The following RRP8 variants were observed in gnomAD, a reference collection of about 807,000 sequenced individuals.
The protein encoded by RRP8 is ribosomal RNA processing 8.
RRP8 carries 48 observed loss-of-function variants against 45.0 expected under a neutral mutation model. The observed-to-expected ratio is 1.07, with a 90% confidence interval of 0.85 to 1.36. The LOEUF (loss-of-function observed/expected upper bound fraction) is 1.36. RRP8 is among the 40% of genes most tolerant of loss of function. RRP8 has a pLI of 0.00. For missense variants in RRP8, 658 were observed against 573.7 expected, an observed-to-expected ratio of 1.15 and a Z score of -1.50; for synonymous variants, 274 against 212.4, an observed-to-expected ratio of 1.29 and a Z score of -2.52.
chr11:6,598,979 T>G lies in RRP8; in HGVS notation c.*1167A>C, dbSNP rs150177498. On this transcript the variant is annotated 3_prime_UTR_variant, in exon 7 of 7. Coordinates refer to ENST00000254605, the MANE Select transcript of RRP8 (RefSeq NM_015324.4). Reference sequence around the variant, plus strand: ...ATCTGAGTCCACTGCAAGGCAGAGATAGTGGACAGACTCTTCCGCCAATGA... The same window carrying G: ...ATCTGAGTCCACTGCAAGGCAGAGAGAGTGGACAGACTCTTCCGCCAATGA... The G allele has an allele frequency of 1.6e-4, 24 of 152,392 alleles. No individual in the cohort carries two copies. Among genetic ancestry groups the G allele is most frequent in the African/African-American group, 5.5e-4 (23 of 41,554 alleles). 9.4% of individuals were successfully genotyped at this position (152,392 alleles called of 1,614,324 possible). A position where few individuals can be genotyped will look rare whatever the true frequency, so the allele number is the denominator to read the frequency against.
rs548651237 is a variant in RRP8, at chr11:6,597,169, G to A, written c.*2977C>T. On this transcript the variant is annotated 3_prime_UTR_variant, in exon 7 of 7. Transcript: ENST00000254605. ...CAGCTAAGTCTAGGAGCCTGCACTG[G>A]GAAAGGGAGGAGTGATTGGTATGCT... The A allele has an allele frequency of 1.3e-5, 2 of 152,276 alleles. No individual in the cohort carries two copies. The highest frequency in any genetic ancestry group is 2.9e-5 in the Non-Finnish European group (2 of 68,034). The allele number at this position is 152,276 out of a possible 1,614,324, so 9.4% of individuals were successfully genotyped here.
Position 6,601,537 on chromosome 11 carries a change from G to C in RRP8, c.529C>G (p.Pro177Ala). ...CGGCTTAATGTATGAGGGGGTTTAG[G>C]GGAAGTGGACCCAGGGCTTTGCTTT... ...PPKQSPGSTS[P>A]KPPHTLSRKQ... The change falls in exon 3 of 7, where the codon CCT becomes GCT. Residue 177 changes from proline to alanine, a missense_variant. Coordinates refer to ENST00000254605, the MANE Select transcript of RRP8 (RefSeq NM_015324.4). 6.2e-7 allele frequency: 1 copy of C among 1,609,094 alleles called. No individual in the cohort carries two copies. The highest frequency in any genetic ancestry group is 8.5e-7 in the Non-Finnish European group (1 of 1,179,994).
rs1334243102 is a variant in RRP8 at position 6,602,052 on chromosome 11, A to G, written c.263T>C (p.Val88Ala). 1.1e-5 allele frequency: 18 copies of G among 1,613,408 alleles called. No individual in the cohort carries two copies. Among genetic ancestry groups the G allele is most frequent in the African/African-American group, 2.7e-5 (2 of 74,720 alleles). The change falls in exon 2 of 7, where the codon GTA becomes GCA. Residue 88 changes from valine (V) to alanine (A), a missense_variant. Physicochemically the swap from Val to Ala is moderately conservative, Grantham distance 64 (BLOSUM62 0). Coordinates refer to ENST00000254605, the MANE Select transcript of RRP8 (RefSeq NM_015324.4). ...KASFASASAEVGKKGKKKCQK... is the reference protein window; with the variant it reads ...KASFASASAEAGKKGKKKCQK... ...ACATTTCTTCTTCCCTTTCTTCCCT[A>G]CTTCAGCAGAGGCACTGGCAAATGA... is the stretch of plus-strand genomic sequence containing the variant.
Position 6,600,190 on chromosome 11 carries a change from G to C in RRP8, c.1327C>G (p.Leu443Val). The change falls in exon 7 of 7, where the codon CTT (leucine) becomes GTT (valine). Residue 443 changes from leucine to valine, a missense_variant. Coordinates refer to ENST00000254605, the MANE Select transcript of RRP8 (RefSeq NM_015324.4). ...GPPLVGPKAQ[L>V]SGLQLQPCLY... Reference sequence around the variant, plus strand: ...CATGGCTGAAGCTGCAGGCCTGAAAGCTGAGCCTTGGGCCCTACCAGAGGG... The same window carrying C: ...CATGGCTGAAGCTGCAGGCCTGAAACCTGAGCCTTGGGCCCTACCAGAGGG... 4.4e-6 allele frequency: 7 copies of C among 1,605,586 alleles called. No homozygotes were observed. The highest frequency in any genetic ancestry group is 1.3e-5 in the African/African-American group (1 of 74,298).
chr11:6,597,272 TA>T lies in RRP8; in HGVS notation c.*2873del, dbSNP rs1249099186. 6.6e-6 allele frequency: 1 copy of T among 152,138 alleles called. No individual in the cohort carries two copies. Among genetic ancestry groups the T allele is most frequent in the Non-Finnish European group, 1.5e-5 (1 of 68,032 alleles). 9.4% of individuals were successfully genotyped at this position (152,138 alleles called of 1,614,324 possible). ...CAAGTGATGAGGAGAGGTAAACAGA[TA>T]AATCATTTTGCCCTGACTGGGTATT... On this transcript the variant is annotated 3_prime_UTR_variant, in exon 7 of 7. Transcript: ENST00000254605.
At position 6,601,150 on chromosome 11, in the gene RRP8, G is replaced by A. The variant is rs778075365; in HGVS notation, c.916C>T (p.Arg306Trp). The change falls in exon 3 of 7, where the codon CGG becomes TGG. Residue 306 changes from arginine to tryptophan, a missense_variant and splice_region_variant. Arg to Trp is a moderately radical substitution (Grantham distance 101, BLOSUM62 -3). Coordinates refer to ENST00000254605, the MANE Select transcript of RRP8 (RefSeq NM_015324.4). ...TCACAGTCCCTGACCCCCATTCACC[G>A]CTGGCGAAGATCCCTGGCGATGCGG... The part of the protein sequence containing the change: ...VDRIARDLRQ[R>W]PASLVVADFG... The A allele has an allele frequency of 2.4e-5, 38 of 1,613,568 alleles. 1 individual carries two copies. Among genetic ancestry groups the A allele is most frequent in the East Asian group, 2.2e-4 (10 of 44,892 alleles).
chr11:6,603,466 C>T lies in RRP8; in HGVS notation c.37G>A (p.Val13Ile). The change falls in exon 1 of 7, where the codon GTA becomes ATA. Residue 13 changes from valine to isoleucine, a missense_variant. By Grantham distance (29) the Val-to-Ile change is conservative. Transcript: ENST00000254605. ...EEPEWAEAAP[V>I]AAGLGPVISR... ...ATTACGGGCCCAAGGCCCGCGGCTA[C>T]TGGGGCCGCCTCGGCCCACTCAGGC... 1.2e-6 allele frequency: 2 copies of T among 1,600,492 alleles called. No individual in the cohort carries two copies. Among genetic ancestry groups the T allele is most frequent in the Non-Finnish European group, 1.7e-6 (2 of 1,174,842 alleles).
Position 6,600,145 on chromosome 11 carries a change from G to T in RRP8, c.*1C>A. On this transcript the variant is annotated 3_prime_UTR_variant, in exon 7 of 7. Coordinates refer to ENST00000254605, the MANE Select transcript of RRP8 (RefSeq NM_015324.4). Reference sequence around the variant, plus strand: ...CTCCCCTTTCAAGGAAGATCCAGAGGTCACCTGCGCTTGTAGAGACATGGC... The same window carrying T: ...CTCCCCTTTCAAGGAAGATCCAGAGTTCACCTGCGCTTGTAGAGACATGGC... 6.4e-7 allele frequency: 1 copy of T among 1,569,294 alleles called. No homozygotes were observed. The highest frequency in any genetic ancestry group is 8.6e-7 in the Non-Finnish European group (1 of 1,156,212).
rs748557168 is a variant in RRP8, at chr11:6,600,436, A to T, written c.1251+50T>A. 3.9e-6 allele frequency: 6 copies of T among 1,552,278 alleles called. No individual in the cohort carries two copies. In the South Asian group the frequency reaches 6.8e-5, roughly 17 times the overall value. ...CTCCTTCCTGAACACCAGTACCCTG[A>T]ATAGGGCCACATGAGACAAAAACAG... On this transcript the variant is annotated intron_variant, in intron 6 of 6. Transcript: ENST00000254605.
In RRP8 at chr11:6,602,227, CAG is replaced by C. The variant is rs753563080; in HGVS notation, c.100-14_100-13del. 31 of 1,534,522 alleles carry C rather than the reference CAG, an allele frequency of 2.0e-5. No homozygotes were observed. Among genetic ancestry groups the C allele is most frequent in the African/African-American group, 1.7e-4 (12 of 72,212 alleles). ...CGGCGCTTGGAGCCCTGGAGGAAAA[CAG>C]GGGATGACAGTGGGCCTAAAGAGAA... is the stretch of plus-strand genomic sequence containing the variant. On this transcript the variant is annotated splice_polypyrimidine_tract_variant and intron_variant, in intron 1 of 6. Coordinates refer to ENST00000254605, the MANE Select transcript of RRP8 (RefSeq NM_015324.4).
rs1854519617 is a variant in RRP8, at chr11:6,603,600, G to A, written c.-98C>T. 1.4e-6 allele frequency: 1 copy of A among 712,526 alleles called. No individual in the cohort carries two copies. The highest frequency in any genetic ancestry group is 2.2e-6 in the Non-Finnish European group (1 of 451,402). The allele number at this position is 712,526 out of a possible 1,614,324, so 44.1% of individuals were successfully genotyped here. A position where few individuals can be genotyped will look rare whatever the true frequency, so the allele number is the denominator to read the frequency against. On this transcript the variant is annotated 5_prime_UTR_variant, in exon 1 of 7. Transcript: ENST00000254605. ...CGCTCAGACCTGCCAGAACCGACCC[G>A]GAAACCAAAGCGTGACAGCCAGGGG...
chr11:6,600,608 A>G, intron 5 of RRP8, 26 bp from the exon 6 acceptor site: 1 of 1,612,486 alleles, frequency 6.2e-7, no homozygotes. Context: ...AGTTCTGTGT[A>G]AGTGCACAGA....
rs1039916826 is a variant in RRP8 at position 6,596,370 on chromosome 11, G to A, written c.*3776C>T. 1 of 152,414 alleles carries A rather than the reference G, an allele frequency of 6.6e-6. No individual in the cohort carries two copies. Among genetic ancestry groups the A allele is most frequent in the Non-Finnish European group, 1.5e-5 (1 of 68,040 alleles). 9.4% of individuals were successfully genotyped at this position (152,414 alleles called of 1,614,324 possible). A position where few individuals can be genotyped will look rare whatever the true frequency, so the allele number is the denominator to read the frequency against. ...GAGTTTTGTGAAAGGGGAGGAGTGG[G>A]TTAAGATGCAGATGGTGATGGTGAC... On this transcript the variant is annotated 3_prime_UTR_variant, in exon 7 of 7. Coordinates refer to ENST00000254605, the MANE Select transcript of RRP8 (RefSeq NM_015324.4).
In RRP8 at chr11:6,601,348, C is replaced by G; in HGVS notation, c.718G>C (p.Ala240Pro). 2.5e-6 allele frequency: 4 copies of G among 1,614,078 alleles called. No homozygotes were observed. Among genetic ancestry groups the G allele is most frequent in the Non-Finnish European group, 3.4e-6 (4 of 1,179,986 alleles). The change falls in exon 3 of 7, where the codon GCC (alanine) becomes CCC (proline). Residue 240 changes from alanine (A) to proline (P), a missense_variant. By Grantham distance (27) the Ala-to-Pro change is conservative. Coordinates refer to ENST00000254605, the MANE Select transcript of RRP8 (RefSeq NM_015324.4). ...CCATCCAGCCGCTGTGCCATGCGGGCTCGCAAAGCCCCTGCCCGAGCCTCA... is the reference window on the plus strand; with the variant it reads ...CCATCCAGCCGCTGTGCCATGCGGGGTCGCAAAGCCCCTGCCCGAGCCTCA... ...SHEARAGALRARMAQRLDGAR... is the reference protein window; with the variant it reads ...SHEARAGALRPRMAQRLDGAR...
rs1296051892 is a variant in RRP8 at position 6,602,043 on chromosome 11, T to C, written c.272A>G (p.Lys91Arg). The C allele has an allele frequency of 2.0e-5, 32 of 1,614,174 alleles. No homozygotes were observed. Among genetic ancestry groups the C allele is most frequent in the Non-Finnish European group, 2.7e-5 (32 of 1,180,006 alleles). The stretch of plus-strand genomic sequence containing the variant: ...CTGTTTTTGACATTTCTTCTTCCCT[T>C]TCTTCCCTACTTCAGCAGAGGCACT... ...FASASAEVGKKGKKKCQKQGP... is the reference protein window; with the variant it reads ...FASASAEVGKRGKKKCQKQGP... Residue 91 changes from lysine to arginine, a missense_variant, in exon 2 of 7, where the codon AAA becomes AGA. Transcript: ENST00000254605.
Position 6,597,784 on chromosome 11 carries a change from G to C in RRP8, c.*2362C>G, listed in dbSNP as rs763175134. 1 of 151,718 alleles carries C rather than the reference G, an allele frequency of 6.6e-6. No individual in the cohort carries two copies. Among genetic ancestry groups the C allele is most frequent in the East Asian group, 1.9e-4 (1 of 5,176 alleles). 9.4% of individuals were successfully genotyped at this position (151,718 alleles called of 1,614,324 possible). ...CATGTGCCTGTATTCCCAGCTACTC[G>C]GGAGTCTGAGGCAGGAGAAGTGCTT... On this transcript the variant is annotated 3_prime_UTR_variant, in exon 7 of 7. Transcript: ENST00000254605.
At chr11:6,602,750 G>C (rs1439115540) in intron 1 of RRP8, among the ~76,000 whole-genome samples, 4 of 152,202 alleles carry the variant, frequency 2.6e-5, no homozygotes, top group African/African-American at 9.7e-5. Context: ...TTCCATGTTG[G>C]AGGCAGACTG....
Position 6,603,464 on chromosome 11 carries a change from TACTGGGGCCGCCTCGGCCC to T in RRP8, c.20_38del (p.Trp7Ter), listed in dbSNP as rs1564838944. 2 of 1,601,554 alleles carry T rather than the reference TACTGGGGCCGCCTCGGCCC, an allele frequency of 1.2e-6. No individual in the cohort carries two copies. The highest frequency in any genetic ancestry group is 1.7e-6 in the Non-Finnish European group (2 of 1,175,352). Reference sequence around the variant, plus strand: ...AGATTACGGGCCCAAGGCCCGCGGCTACTGGGGCCGCCTCGGCCCACTCAGGCTCTTCGAACATGAGGGT... The same window carrying T: ...AGATTACGGGCCCAAGGCCCGCGGCTACTCAGGCTCTTCGAACATGAGGGT... On this transcript the variant is annotated frameshift_variant, in exon 1 of 7. Transcript: ENST00000254605. LOFTEE classifies it high-confidence loss of function.
At position 6,603,586 on chromosome 11, in the gene RRP8, G is replaced by A. The variant is rs770708559; in HGVS notation, c.-84C>T. The A allele has an allele frequency of 7.4e-5, 63 of 846,422 alleles. No homozygotes were observed. Among genetic ancestry groups the A allele is most frequent in the Non-Finnish European group, 1.0e-4 (57 of 564,286 alleles). The allele number at this position is 846,422 out of a possible 1,614,324, so 52.4% of individuals were successfully genotyped here. On this transcript the variant is annotated 5_prime_UTR_variant, in exon 1 of 7. Transcript: ENST00000254605. Reference sequence around the variant, plus strand: ...TCTGGAAGTCGGAGCGCTCAGACCTGCCAGAACCGACCCGGAAACCAAAGC... The same window carrying A: ...TCTGGAAGTCGGAGCGCTCAGACCTACCAGAACCGACCCGGAAACCAAAGC...
Sources: gnomAD v4.1 joint callset for allele counts (sites outside exome capture counted in the v4.1 genomes callset) on GRCh38, gnomAD v4.1.1 for gene constraint, MANE v1.5 for transcripts, NCBI Gene and HGNC (gene_info 2026-07-23, HGNC 2026-07-21) for gene names.